SCRIB: variants seen among roughly 807,000 people sequenced by gnomAD.
The protein encoded by SCRIB is protein scribble homolog.
In SCRIB, 72 loss-of-function variants were observed where a neutral mutation model predicts 170.0. The observed-to-expected ratio is 0.42, with a 90% confidence interval of 0.35 to 0.52. The LOEUF is 0.52. Ranked by LOEUF, SCRIB falls within the 20% of genes least tolerant of loss-of-function variation. SCRIB has a pLI of 0.02. For synonymous variants in SCRIB, 1,298 were observed against 1,044.3 expected (o/e 1.24, Z -4.68); for missense variants, 2,475 against 2,338.5 (o/e 1.06, Z -1.20).
chr8:143,805,950 C>T (rs1815405869), intron 18 of SCRIB, among the ~76,000 whole-genome samples: 1 of 152,208 alleles, frequency 6.6e-6, no homozygotes. Flanking sequence ...GCGCATGCCT[C>T]TTCAGAGCCC....
rs376825691 is a variant in SCRIB, at chr8:143,795,047, G to A, written c.3837C>T (p.Ser1279=). ...RALAAVPSAG[S]VQRVPSGAAG... is the part of the protein sequence containing the mutation. ...CACACTGGGCACTCACCCTCTGCAC[G>A]CTGCCAGCGCTGGGCACGGCGGCCA... Residue 1279 remains serine (S), a synonymous_variant, in exon 27 of 37, where the codon AGC becomes AGT. Coordinates refer to ENST00000356994, the MANE Select transcript of SCRIB (RefSeq NM_182706.5). 3.4e-5 allele frequency: 54 copies of A among 1,610,536 alleles called. No individual in the cohort carries two copies. The highest frequency in any genetic ancestry group is 3.1e-4 in the African/African-American group (23 of 74,994).
rs1396368878 is a variant in SCRIB, at chr8:143,805,344, C to T, written c.2438G>A (p.Arg813Gln). ...GTTCTCAGGCTCCACCATGCGCTCCCGCCACACTCGCATCTGCACGGCAGT... is the reference window on the plus strand; with the variant it reads ...GTTCTCAGGCTCCACCATGCGCTCCTGCCACACTCGCATCTGCACGGCAGT... ...AGTAVQMRVW[R>Q]ERMVEPENAV... The change falls in exon 19 of 37, where the codon CGG becomes CAG. Residue 813 changes from arginine to glutamine, a missense_variant. Physicochemically the swap from Arg to Gln is conservative, Grantham distance 43. Around this residue, in one of 3 missense-constraint regions of SCRIB, gnomAD observed 1,966 missense variants for 1,742.9 expected, o/e 1.13. Coordinates refer to ENST00000356994, the MANE Select transcript of SCRIB (RefSeq NM_182706.5). 1.9e-6 allele frequency: 3 copies of T among 1,550,204 alleles called. No homozygotes were observed. Among genetic ancestry groups the T allele is most frequent in the Non-Finnish European group, 2.6e-6 (3 of 1,153,902 alleles).
In SCRIB at chr8:143,808,134, T is replaced by C. The variant is rs571753077; in HGVS notation, c.2115+475A>G. 2.6e-5 allele frequency among the ~76,000 whole-genome samples: 4 copies of C among 152,200 alleles called. No homozygotes were observed. The East Asian group carries it at 5.8e-4, about 22-fold the overall frequency. On this transcript the variant is annotated intron_variant, in intron 15 of 36. Coordinates refer to ENST00000356994, the MANE Select transcript of SCRIB (RefSeq NM_182706.5). ...AAGAGAGGATCCCAGGAGAGCCCAG[T>C]GATCTTGGGAGAGGAACAGACCCTG...
At position 143,791,978 on chromosome 8, in the gene SCRIB, C is replaced by T. The variant is rs1554632849; in HGVS notation, c.4657+13G>A. On this transcript the variant is annotated intron_variant, in intron 33 of 36. Transcript: ENST00000356994. ...GGCAGGCTGACCCCCCCGACCTGCC[C>T]TGACCCACAGACCTTCCACAGGGGT... 6 of 1,498,762 alleles carry T rather than the reference C, an allele frequency of 4.0e-6. No individual in the cohort carries two copies. Among genetic ancestry groups the T allele is most frequent in the Non-Finnish European group, 5.3e-6 (6 of 1,123,790 alleles). The allele number at this position is 1,498,762 out of a possible 1,614,324, so 92.8% of individuals were successfully genotyped here.
intron 24 of SCRIB, 133 bp downstream of exon 24, chr8:143,803,250 A>C: frequency 1.2e-6 from 1 of 849,148 alleles, no homozygotes; most frequent in Non-Finnish European, 1.7e-6. Flanking sequence ...CGCACGGCTG[A>C]TGCAGAGCCG....
intron 34 of SCRIB, 49 bp downstream of exon 34, chr8:143,791,825 CCA>C (rs782500381): frequency 3.9e-5 from 59 of 1,505,348 alleles, no homozygotes; most frequent in South Asian, 1.1e-4. Context: ...AGGCCAGACC[CCA>C]CCCCCATGCC....
At chr8:143,799,762 AG>A (rs57202791) in intron 24 of SCRIB, among the ~76,000 whole-genome samples, 213 of 144,772 alleles carry the variant, frequency 1.5e-3, no homozygotes, top group Middle Eastern at 0.01. Flanking sequence ...CACCAGTCCT[AG>A]AAAGCAGGAG....
rs752428153 is a variant in SCRIB, at chr8:143,811,336, G to C, written c.916C>G (p.Arg306Gly). The C allele has an allele frequency of 1.4e-5, 22 of 1,612,368 alleles. No homozygotes were observed. Among genetic ancestry groups the C allele is most frequent in the Non-Finnish European group, 1.9e-5 (22 of 1,179,586 alleles). ...AGCTTAGTCAGCTTTCCCAGGGAGC[G>C]GGGCAGGGCCTGGCCAAGAAGAGGA... is the stretch of plus-strand genomic sequence containing the variant. ...LTENLLMALP[R>G]SLGKLTKLTN... is the part of the protein sequence containing the mutation. Residue 306 changes from arginine (R) to glycine (G), a missense_variant, in exon 10 of 37, where the codon CGC becomes GGC. Physicochemically the swap from Arg to Gly is moderately radical, Grantham distance 125. Transcript: ENST00000356994.
In SCRIB at chr8:143,813,751, T is replaced by C. The variant is rs764848734; in HGVS notation, c.357-25A>G. On this transcript the variant is annotated intron_variant, in intron 3 of 36. Coordinates refer to ENST00000356994, the MANE Select transcript of SCRIB (RefSeq NM_182706.5). Reference sequence around the variant, plus strand: ...CCTGGATGGGAGGAAGCAGAGGCCCTCGGATGACCAGTCCAGGGCTGTGGG... The same window carrying C: ...CCTGGATGGGAGGAAGCAGAGGCCCCCGGATGACCAGTCCAGGGCTGTGGG... The C allele has an allele frequency of 5.6e-6, 9 of 1,612,756 alleles. No homozygotes were observed. In the Admixed American group the frequency reaches 6.7e-5, roughly 12 times the overall value.
intron 15 of SCRIB, among the ~76,000 whole-genome samples, chr8:143,808,053 G>A (rs569769150): frequency 3.9e-5 from 6 of 152,340 alleles, no homozygotes; most frequent in African/African-American, 1.2e-4. Flanking sequence ...CACCTCAGGA[G>A]GGCCCGACAA....
chr8:143,815,313 C>T lies in SCRIB; in HGVS notation c.60G>A (p.Arg20=). ...CNRHVESVDK[R]HCSLQAVPEE... ...CCGGCACGGCCTGCAGCGAACAGTG[C>T]CGCTTGTCCACCGACTCCACGTGCC... The change falls in exon 1 of 37, where the codon CGG becomes CGA. Residue 20 remains arginine, a synonymous_variant. Coordinates refer to ENST00000356994, the MANE Select transcript of SCRIB (RefSeq NM_182706.5). The T allele has an allele frequency of 6.3e-7, 1 of 1,582,338 alleles. No homozygotes were observed. Among genetic ancestry groups the T allele is most frequent in the Non-Finnish European group, 8.6e-7 (1 of 1,166,932 alleles).
At chr8:143,810,241 C>T (rs1442789045) in intron 13 of SCRIB, among the ~76,000 whole-genome samples, 2 of 152,174 alleles carry the variant, frequency 1.3e-5, no homozygotes, top group East Asian at 1.9e-4. Flanking sequence ...GGCACACCCA[C>T]CACTGGTTCT....
rs950639842 is a variant in SCRIB at position 143,808,972 on chromosome 8, G to A, written c.1752C>T (p.Ile584=). ...DALLPGDDRE[I]EEGQPEAPWT... ...AGGGGGCCTCAGGCTGCCCCTCCTCGATCTCCCTGTCATCCCCGGGCAGCA... is the reference window on the plus strand; with the variant it reads ...AGGGGGCCTCAGGCTGCCCCTCCTCAATCTCCCTGTCATCCCCGGGCAGCA... Residue 584 remains isoleucine (I), a synonymous_variant, in exon 15 of 37, where the codon ATC becomes ATT. Transcript: ENST00000356994. The A allele has an allele frequency of 1.3e-5, 21 of 1,613,106 alleles. No homozygotes were observed. The highest frequency in any genetic ancestry group is 3.3e-5 in the South Asian group (3 of 91,082).
At position 143,804,995 on chromosome 8, in the gene SCRIB, A is replaced by G; in HGVS notation, c.2690T>C (p.Ile897Thr). Residue 897 changes from isoleucine (I) to threonine (T), a missense_variant, in exon 20 of 37, where the codon ATT becomes ACT. Transcript: ENST00000356994. ...GCGGTGAGCAGCACCGCCCTCGGCA[A>G]TGCGGGAGACGAAGATGCCCTGCAG... ...AGDAGIFVSR[I>T]AEGGAAHRAG... 1 of 1,586,614 alleles carries G rather than the reference A, an allele frequency of 6.3e-7. No homozygotes were observed. Among genetic ancestry groups the G allele is most frequent in the Non-Finnish European group, 8.5e-7 (1 of 1,170,184 alleles).
chr8:143,814,244 C>T, intron 1 of SCRIB, 126 bp from the exon 2 acceptor site: 2 of 765,314 alleles, frequency 2.6e-6, no homozygotes, highest in Non-Finnish European at 4.2e-6. Flanking sequence ...CACACCGGGT[C>T]CTGGGGTCTA....
intron 15 of SCRIB, among the ~76,000 whole-genome samples, chr8:143,808,255 C>T (rs543980112): frequency 5.6e-4 from 86 of 152,290 alleles, no homozygotes; most frequent in African/African-American, 1.6e-3. Flanking sequence ...GCCAGCAGGT[C>T]GGGCAAATAC....
chr8:143,795,296 G>C lies in SCRIB; in HGVS notation c.3752C>G (p.Pro1251Arg), dbSNP rs781982440. 7.4e-6 allele frequency: 12 copies of C among 1,612,508 alleles called. No homozygotes were observed. The South Asian group carries it at 1.3e-4, about 18-fold the overall frequency. ...ACTCACTGCGGCTTCTGTGGCCTCG[G>C]GCCCCCAGTGCAGGGTCTGTCCAGG... Reference protein sequence around the residue: ...ELPGQTLHWGPEATEAAGRGL... With the variant: ...ELPGQTLHWGREATEAAGRGL... Residue 1251 changes from proline to arginine, a missense_variant, in exon 26 of 37, where the codon CCC (proline) becomes CGC (arginine). Transcript: ENST00000356994.
intron 20 of SCRIB, 54 bp from the exon 21 acceptor site, chr8:143,804,879 C>G (rs969402310): frequency 4.1e-5 from 18 of 436,686 alleles, no homozygotes; most frequent in Non-Finnish European, 2.4e-5. Context: ...GGACAGAGGG[C>G]GCGGGGCGGG....
rs748798089 is a variant in SCRIB, at chr8:143,815,360, T to G, written c.13A>C (p.Ile5Leu). 9.2e-6 allele frequency: 14 copies of G among 1,524,874 alleles called. No homozygotes were observed. In the South Asian group the frequency reaches 1.7e-4, roughly 19 times the overall value. 94.5% of individuals were successfully genotyped at this position (1,524,874 alleles called of 1,614,324 possible). ...TGCCGGTTGCAGCGCCACAGCGGGA[T>G]GCACTTGAGCATGGTGCGGGTGGGC... MLKC[I>L]PLWRCNRHVE... The change falls in exon 1 of 37, where the codon ATC (isoleucine) becomes CTC (leucine). Residue 5 changes from isoleucine to leucine, a missense_variant. By Grantham distance (5) the Ile-to-Leu change is conservative. Coordinates refer to ENST00000356994, the MANE Select transcript of SCRIB (RefSeq NM_182706.5).
Sources: gnomAD v4.1 joint callset for allele counts (sites outside exome capture counted in the v4.1 genomes callset) on GRCh38, gnomAD v4.1.1 for gene constraint, gnomAD v4.1.1 regional missense constraint, MANE v1.5 for transcripts, NCBI Gene and HGNC (gene_info 2026-07-23, HGNC 2026-07-21) for gene names.